The following NKAIN2 variants were observed in gnomAD, a reference collection of about 807,000 sequenced individuals.
NKAIN2 encodes the protein sodium/potassium transporting ATPase interacting 2, also known as sodium/potassium-transporting ATPase subunit beta-1-interacting protein 2.
Under a neutral mutation model 32.6 loss-of-function variants are expected in NKAIN2, and 14 were observed. The ratio of observed to expected loss-of-function variants is 0.43; its 90% CI spans 0.28 to 0.67. The LOEUF is 0.67. Among genes scored for constraint, NKAIN2 ranks in the 30% least tolerant of loss-of-function variants. The probability of loss-of-function intolerance (pLI) is 0.17; values close to 1 mark genes in which losing one functional copy is unlikely to be tolerated. For synonymous variants in NKAIN2, 80 were observed against 87.2 expected, an observed-to-expected ratio of 0.92 and a Z score of 0.46; for missense variants, 198 against 258.3, an observed-to-expected ratio of 0.77 and a Z score of 1.60.
chr6:124,554,540 C>T (rs1205451704), intron 3 of NKAIN2, among the ~76,000 whole-genome samples: 2 of 152,160 alleles, frequency 1.3e-5, no homozygotes, highest in Non-Finnish European at 2.9e-5. Context: ...ACTGTTTAGT[C>T]TTCTTGACTT....
At chr6:123,860,184 C>T (rs190259844) in intron 1 of NKAIN2, among the ~76,000 whole-genome samples, 1 of 152,128 alleles carries the variant, frequency 6.6e-6, no homozygotes, top group East Asian at 1.9e-4. Context: ...AAGAATTTCA[C>T]CAAACATCAG....
At chr6:124,793,841 C>T (rs1310306109) in intron 5 of NKAIN2, among the ~76,000 whole-genome samples, 1 of 152,036 alleles carries the variant, frequency 6.6e-6, no homozygotes, top group Non-Finnish European at 1.5e-5. Flanking sequence ...TACCTTGAGG[C>T]CAGATACAGA....
chr6:124,412,390 A>G (rs1383914578), intron 3 of NKAIN2, among the ~76,000 whole-genome samples: 1 of 152,124 alleles, frequency 6.6e-6, no homozygotes, highest in East Asian at 1.9e-4. Context: ...TTTCCGTCTG[A>G]CAGTCAGGAC....
At chr6:124,722,223 AGACACTT>A (rs1257442488) in intron 4 of NKAIN2, among the ~76,000 whole-genome samples, 2 of 152,224 alleles carry the variant, frequency 1.3e-5, no homozygotes, top group Non-Finnish European at 2.9e-5. Context: ...ATCTGTTGAC[AGACACTT>A]GAGTTGCTTT....
chr6:123,945,631 G>A (rs1374007074), intron 1 of NKAIN2, among the ~76,000 whole-genome samples: 2 of 152,040 alleles, frequency 1.3e-5, no homozygotes, highest in Admixed American at 1.3e-4. Flanking sequence ...CACTTGGCAT[G>A]TCCTGCTTTA....
At chr6:123,868,445 A>T (rs1772694582) in intron 1 of NKAIN2, among the ~76,000 whole-genome samples, 1 of 152,206 alleles carries the variant, frequency 6.6e-6, no homozygotes. Flanking sequence ...ATTGATTTTT[A>T]AAAATTTTCA....
intron 1 of NKAIN2, among the ~76,000 whole-genome samples, chr6:124,282,487 C>T (rs1222263751): frequency 6.6e-6 from 1 of 152,148 alleles, no homozygotes; most frequent in African/African-American, 2.4e-5. Flanking sequence ...AAATGACTTG[C>T]GTAGGCCACT....
intron 1 of NKAIN2, among the ~76,000 whole-genome samples, chr6:124,036,366 C>T (rs1332191234): frequency 6.6e-6 from 1 of 152,100 alleles, no homozygotes; most frequent in Non-Finnish European, 1.5e-5. Flanking sequence ...ATCCCCTAAC[C>T]ACCTTGCTGA....
chr6:123,965,692 C>T (rs1457506118), intron 1 of NKAIN2, among the ~76,000 whole-genome samples: 1 of 152,156 alleles, frequency 6.6e-6, no homozygotes, highest in African/African-American at 2.4e-5. Context: ...CCCCTTATCC[C>T]TATCAGAATA....
At chr6:124,526,124 C>T (rs1214986083) in intron 3 of NKAIN2, among the ~76,000 whole-genome samples, 1 of 151,794 alleles carries the variant, frequency 6.6e-6, no homozygotes, top group Non-Finnish European at 1.5e-5. Flanking sequence ...AAGAAATGAT[C>T]ATATATATAA....
At chr6:124,453,457 T>C (rs1035106331) in intron 3 of NKAIN2, among the ~76,000 whole-genome samples, 5 of 151,804 alleles carry the variant, frequency 3.3e-5, no homozygotes, top group African/African-American at 1.2e-4. Flanking sequence ...CATTAATAAA[T>C]GCCATTCTTG....
intron 3 of NKAIN2, among the ~76,000 whole-genome samples, chr6:124,400,313 G>A (rs961853309): frequency 1.4e-5 from 2 of 139,036 alleles, no homozygotes; most frequent in Admixed American, 6.8e-5. Context: ...AAACCACTGA[G>A]AGAGATAAGT....
intron 3 of NKAIN2, among the ~76,000 whole-genome samples, chr6:124,507,694 A>G (rs969741487): frequency 6.6e-6 from 1 of 152,096 alleles, no homozygotes; most frequent in South Asian, 2.1e-4. Flanking sequence ...AAAATACTAC[A>G]TTTTTCTGCC....
At chr6:123,906,124 G>T (rs561901703) in intron 1 of NKAIN2, among the ~76,000 whole-genome samples, 1 of 152,084 alleles carries the variant, frequency 6.6e-6, no homozygotes, top group African/African-American at 2.4e-5. Flanking sequence ...CCATTATATA[G>T]TAATAAATGT....
chr6:124,260,501 A>C (rs1176460940), intron 1 of NKAIN2, among the ~76,000 whole-genome samples: 7 of 152,202 alleles, frequency 4.6e-5, no homozygotes, highest in Non-Finnish European at 1.0e-4. Flanking sequence ...AGGATGGAAC[A>C]TGTAAAAGCG....
At chr6:124,011,427 T>C (rs993495946) in intron 1 of NKAIN2, among the ~76,000 whole-genome samples, 2 of 152,086 alleles carry the variant, frequency 1.3e-5, no homozygotes, top group Non-Finnish European at 2.9e-5. Flanking sequence ...TGAGACGCAT[T>C]TCCAACTGTT....
chr6:123,966,139 T>A (rs1182081240), intron 1 of NKAIN2, among the ~76,000 whole-genome samples: 1 of 152,168 alleles, frequency 6.6e-6, no homozygotes, highest in Non-Finnish European at 1.5e-5. Flanking sequence ...GCCAGGACGA[T>A]GGTAGCAATT....
At chr6:123,909,363 CT>C (rs1775050450) in intron 1 of NKAIN2, among the ~76,000 whole-genome samples, 2 of 152,182 alleles carry the variant, frequency 1.3e-5, no homozygotes, top group African/African-American at 2.4e-5. Flanking sequence ...CTGCACCCAC[CT>C]GCTGGGTGTG....
intron 4 of NKAIN2, among the ~76,000 whole-genome samples, chr6:124,698,238 C>A (rs566777448): frequency 1.3e-5 from 2 of 152,128 alleles, no homozygotes; most frequent in Non-Finnish European, 2.9e-5. Flanking sequence ...TATGAAAAAG[C>A]AATTAGCTTC....
Sources: gnomAD v4.1 joint callset for allele counts (sites outside exome capture counted in the v4.1 genomes callset) on GRCh38, gnomAD v4.1.1 for gene constraint, MANE v1.5 for transcripts, NCBI Gene and HGNC (gene_info 2026-07-23, HGNC 2026-07-21) for gene names.